NOS1: variants seen among roughly 807,000 people sequenced by gnomAD.
NOS1 encodes NOS type I.
Under a neutral mutation model 164.5 loss-of-function variants are expected in NOS1, and 51 were observed. The observed-to-expected ratio is 0.31, with a 90% CI of 0.25 to 0.39. NOS1 has a LOEUF of 0.39. Among genes scored for constraint, NOS1 ranks in the 10% least tolerant of loss-of-function variants. The probability of loss-of-function intolerance (pLI) is 1.00; values close to 1 mark genes in which losing one functional copy is unlikely to be tolerated. For missense variants in NOS1, 1,362 were observed against 1,885.6 expected (o/e 0.72, Z 5.14); for synonymous variants, 719 against 745.8 (o/e 0.96, Z 0.59).
intron 1 of NOS1, among the ~76,000 whole-genome samples, chr12:117,335,715 T>G (rs1306718680): frequency 1.9e-5 from 2 of 105,612 alleles, no homozygotes. Flanking sequence ...TTTATTTAAT[T>G]GTTACAGACT....
Position 117,210,385 on chromosome 12 carries a change from C to A in NOS1, c.*4924G>T. Reference sequence around the variant, plus strand: ...GGAAGACTAGTTAGTGTTTCTCTCTCCTTGTTGCTTCCTGGCAGTCTCAGA... The same window carrying A: ...GGAAGACTAGTTAGTGTTTCTCTCTACTTGTTGCTTCCTGGCAGTCTCAGA... On this transcript the variant is annotated 3_prime_UTR_variant, in exon 29 of 29. Transcript: ENST00000317775. 1 of 985,380 alleles carries A rather than the reference C, an allele frequency of 1.0e-6. No homozygotes were observed. The highest frequency in any genetic ancestry group is 1.2e-6 in the Non-Finnish European group (1 of 829,954). The allele number at this position is 985,380 out of a possible 1,614,324, so 61.0% of individuals were successfully genotyped here. A position where few individuals can be genotyped will look rare whatever the true frequency, so the allele number is the denominator to read the frequency against.
intron 1 of NOS1, among the ~76,000 whole-genome samples, chr12:117,339,607 C>G (rs1876001773): frequency 6.6e-6 from 1 of 152,196 alleles, no homozygotes; most frequent in Admixed American, 6.5e-5. Flanking sequence ...ATCTGAATAT[C>G]AAGAGATTGA....
At chr12:117,274,769 C>CAAAAAAAA (rs71099039) in intron 9 of NOS1, among the ~76,000 whole-genome samples, 8 of 76,964 alleles carry the variant, frequency 1.0e-4, no homozygotes, top group East Asian at 4.2e-4. Flanking sequence ...CTCCGTCTCA[C>CAAAAAAAA]AAAAAAAAAA....
rs1286926837 is a variant in NOS1, at chr12:117,223,325, G to A, written c.3827-462C>T. The stretch of plus-strand genomic sequence containing the variant: ...TCACCCAGGCTGGAGTGCGTGGCAC[G>A]ACCTCGGCTCACTGCAACCTCCACC... On this transcript the variant is annotated intron_variant, in intron 25 of 28. Transcript: ENST00000317775. Among the ~76,000 whole-genome samples the A allele has an allele frequency of 2.7e-5, 4 of 149,424 alleles. No homozygotes were observed. The South Asian group carries it at 8.5e-4, about 32-fold the overall frequency.
intron 9 of NOS1, 145 bp downstream of exon 9, chr12:117,277,814 C>T (rs576763917): frequency 1.5e-4 from 143 of 963,242 alleles, no homozygotes; most frequent in Middle Eastern, 7.0e-4. Flanking sequence ...TGCCCAAGCC[C>T]GCAGTGAGGA....
chr12:117,267,335 C>T (rs568024547), intron 11 of NOS1, among the ~76,000 whole-genome samples: 50 of 152,286 alleles, frequency 3.3e-4, no homozygotes, highest in African/African-American at 1.2e-3. Flanking sequence ...GCCTGTAATC[C>T]CAGCACTTTG....
chr12:117,215,249 G>T lies in NOS1; in HGVS notation c.*60C>A, dbSNP rs1281451351. 16 of 1,451,266 alleles carry T rather than the reference G, an allele frequency of 1.1e-5. No homozygotes were observed. Among genetic ancestry groups the T allele is most frequent in the Non-Finnish European group, 1.4e-5 (15 of 1,093,912 alleles). The allele number at this position is 1,451,266 out of a possible 1,614,324, so 89.9% of individuals were successfully genotyped here. A position where few individuals can be genotyped will look rare whatever the true frequency, so the allele number is the denominator to read the frequency against. ...GGGCCACAGGGGGTCCCAGAGGAAA[G>T]GTTCAGCAGTGTCTGTCCGCGCTTA... On this transcript the variant is annotated 3_prime_UTR_variant, in exon 29 of 29. Coordinates refer to ENST00000317775, the MANE Select transcript of NOS1 (RefSeq NM_000620.5).
intron 16 of NOS1, among the ~76,000 whole-genome samples, chr12:117,258,187 A>G (rs1026108772): frequency 2.0e-5 from 3 of 152,184 alleles, no homozygotes; most frequent in South Asian, 2.1e-4. Context: ...TTTGATAGAA[A>G]AGGAAACTGA....
intron 16 of NOS1, among the ~76,000 whole-genome samples, chr12:117,254,217 C>T (rs1592954465): frequency 6.6e-6 from 1 of 152,314 alleles, no homozygotes; most frequent in South Asian, 2.1e-4. Flanking sequence ...AAGTGATTCT[C>T]CTGCTTCAGC....
chr12:117,293,684 GTAT>G (rs780282843), intron 3 of NOS1, among the ~76,000 whole-genome samples: 97 of 151,076 alleles, frequency 6.4e-4, no homozygotes, highest in Middle Eastern at 7.0e-3. Context: ...ATTACTACTT[GTAT>G]TATTACTTGT....
In NOS1 at chr12:117,208,851, T is replaced by C; in HGVS notation, c.*6458A>G. The C allele has an allele frequency of 9.3e-6, 6 of 645,710 alleles. No homozygotes were observed. The highest frequency in any genetic ancestry group is 1.2e-5 in the Non-Finnish European group (6 of 519,726). 40.0% of individuals were successfully genotyped at this position (645,710 alleles called of 1,614,324 possible). ...AATTCTCCTGCCTCAGCCTCCCGAG[T>C]AGATGGGATTACAGATGCCCGCCAC... On this transcript the variant is annotated 3_prime_UTR_variant, in exon 29 of 29. Transcript: ENST00000317775.
At chr12:117,324,715 C>CAA (rs1555260717) in intron 2 of NOS1, among the ~76,000 whole-genome samples, 1 of 149,244 alleles carries the variant, frequency 6.7e-6, no homozygotes, top group African/African-American at 2.5e-5. Flanking sequence ...GACTCTGTCT[C>CAA]TAAATAAATA....
intron 2 of NOS1, among the ~76,000 whole-genome samples, chr12:117,325,228 G>A (rs747151185): frequency 2.6e-5 from 4 of 152,144 alleles, no homozygotes; most frequent in Non-Finnish European, 4.4e-5. Flanking sequence ...AGAGGTCACC[G>A]GGAGGATGAG....
At position 117,208,370 on chromosome 12, in the gene NOS1, G is replaced by A. The variant is rs1592910420; in HGVS notation, c.*6939C>T. On this transcript the variant is annotated 3_prime_UTR_variant, in exon 29 of 29. Transcript: ENST00000317775. Reference sequence around the variant, plus strand: ...AGCATTGAGAGCTCAGAGGTAGGGGGGACGGCCGAGTTTCTGACAGCGTGT... The same window carrying A: ...AGCATTGAGAGCTCAGAGGTAGGGGAGACGGCCGAGTTTCTGACAGCGTGT... The A allele has an allele frequency of 4.7e-6, 6 of 1,274,574 alleles. No homozygotes were observed. The African/African-American group carries it at 6.6e-5, about 14-fold the overall frequency. The allele number at this position is 1,274,574 out of a possible 1,614,324, so 79.0% of individuals were successfully genotyped here. A position where few individuals can be genotyped will look rare whatever the true frequency, so the allele number is the denominator to read the frequency against.
Position 117,208,250 on chromosome 12 carries a change from C to G in NOS1, c.*7059G>C, listed in dbSNP as rs1956467765. ...AACTATACAGAAGAAGAGCATGCGA[C>G]AAACACAGCCTGGACAACCTCGCAA... On this transcript the variant is annotated 3_prime_UTR_variant, in exon 29 of 29. Coordinates refer to ENST00000317775, the MANE Select transcript of NOS1 (RefSeq NM_000620.5). The G allele has an allele frequency of 7.8e-7, 1 of 1,278,268 alleles. No homozygotes were observed. The highest frequency in any genetic ancestry group is 1.0e-6 in the Non-Finnish European group (1 of 981,780). The allele number at this position is 1,278,268 out of a possible 1,614,324, so 79.2% of individuals were successfully genotyped here. A position where few individuals can be genotyped will look rare whatever the true frequency, so the allele number is the denominator to read the frequency against.
intron 21 of NOS1, among the ~76,000 whole-genome samples, chr12:117,232,859 T>C (rs1869365848): frequency 6.6e-6 from 1 of 151,960 alleles, no homozygotes; most frequent in South Asian, 2.1e-4. Flanking sequence ...GGATTTATTT[T>C]TATTTTTATT....
intron 27 of NOS1, 54 bp downstream of exon 27, chr12:117,220,021 G>A: frequency 6.6e-7 from 1 of 1,520,212 alleles, no homozygotes; most frequent in Non-Finnish European, 8.9e-7. Flanking sequence ...GAAAAAGGGG[G>A]GATAGGAGAG....
intron 9 of NOS1, 77 bp downstream of exon 9, chr12:117,277,881 AG>A (rs1873315341): frequency 1.3e-6 from 2 of 1,487,080 alleles, no homozygotes; most frequent in Non-Finnish European, 1.8e-6. Context: ...AAAGAAAGCC[AG>A]GGGGGATGGG....
chr12:117,270,841 G>T (rs1268179369), intron 10 of NOS1, among the ~76,000 whole-genome samples: 1 of 152,054 alleles, frequency 6.6e-6, no homozygotes, highest in Non-Finnish European at 1.5e-5. Context: ...TTCGAGACTA[G>T]CCTGGCCAAC....
Sources: allele counts gnomAD v4.1 joint callset (sites outside exome capture counted in the v4.1 genomes callset), GRCh38; gene constraint gnomAD v4.1.1; transcripts MANE v1.5; gene names NCBI Gene and HGNC (gene_info 2026-07-23, HGNC 2026-07-21).